Variants in ATP10B observed in about 807,000 individuals in gnomAD.
The protein encoded by ATP10B is phospholipid-transporting ATPase VB.
Under a neutral mutation model 141.2 loss-of-function variants are expected in ATP10B, and 122 were observed. That is an observed-to-expected ratio of 0.86 (90% CI 0.75 to 1.00). The LOEUF is 1.00. ATP10B is among the 50% of genes least tolerant of loss of function. ATP10B has a pLI of 0.00. For synonymous variants in ATP10B, 685 were observed against 692.0 expected, an observed-to-expected ratio of 0.99 and a Z score of 0.16; for missense variants, 1,876 against 1,825.3, an observed-to-expected ratio of 1.03 and a Z score of -0.51.
chr5:160,860,521 A>T, the ATP10B span, among the ~76,000 whole-genome samples: 1 of 151,942 alleles, frequency 6.6e-6, no homozygotes, highest in African/African-American at 2.4e-5. Flanking sequence ...ACACCAATTA[A>T]TTTGATTTCT....
chr5:160,840,050 T>C (rs1461505771), intron 1 of ATP10B, among the ~76,000 whole-genome samples: 2 of 152,012 alleles, frequency 1.3e-5, no homozygotes, highest in East Asian at 3.8e-4. Context: ...CAAATGTATA[T>C]GAAGAAACTA....
At chr5:160,823,780 G>C (rs764423582) in intron 1 of ATP10B, among the ~76,000 whole-genome samples, 16 of 152,060 alleles carry the variant, frequency 1.1e-4, no homozygotes, top group Non-Finnish European at 2.1e-4. Flanking sequence ...CTTGCAGTGA[G>C]CTGAGATCGC....
intron 2 of ATP10B, among the ~76,000 whole-genome samples, chr5:160,758,191 A>T (rs971500852): frequency 6.6e-6 from 1 of 152,164 alleles, no homozygotes; most frequent in African/African-American, 2.4e-5. Flanking sequence ...CAATGTGACT[A>T]TCCATCACAG....
the ATP10B span, among the ~76,000 whole-genome samples, chr5:160,921,825 A>C: frequency 3.9e-5 from 6 of 152,230 alleles, no homozygotes; most frequent in Non-Finnish European, 4.4e-5. Flanking sequence ...CTTCACTCGC[A>C]GGAGAGCAAA....
Position 160,606,871 on chromosome 5 carries a change from C to A in ATP10B, c.3054G>T (p.Leu1018Phe). The change falls in exon 19 of 26, where the codon TTG becomes TTT. Residue 1018 changes from leucine (L) to phenylalanine (F), a missense_variant. Coordinates refer to ENST00000327245, the MANE Select transcript of ATP10B (RefSeq NM_025153.3). ...QGKLEKKFLE[L>F]TQYCRSVLCC... ...ACAGGACGGACCGACAATACTGGGT[C>A]AATTCCAGAAACTTCTTCTCTAGCT... The A allele has an allele frequency of 6.2e-7, 1 of 1,614,122 alleles. No individual in the cohort carries two copies. The highest frequency in any genetic ancestry group is 8.5e-7 in the Non-Finnish European group (1 of 1,180,016).
chr5:160,654,220 C>T (rs1356700798), intron 7 of ATP10B, among the ~76,000 whole-genome samples: 1 of 151,804 alleles, frequency 6.6e-6, no homozygotes, highest in Non-Finnish European at 1.5e-5. Flanking sequence ...CTGCCTCAAC[C>T]TCCCACAGTG....
intron 7 of ATP10B, among the ~76,000 whole-genome samples, chr5:160,661,861 C>T (rs1340062565): frequency 2.0e-5 from 3 of 152,020 alleles, no homozygotes; most frequent in Non-Finnish European, 4.4e-5. Flanking sequence ...TCAAATTGTC[C>T]CTGTTTGCAG....
rs775928341 is a variant in ATP10B at position 160,834,757 on chromosome 5, C to T, written c.-576+17184G>A. 4.6e-5 allele frequency among the ~76,000 whole-genome samples: 7 copies of T among 152,090 alleles called. No individual in the cohort carries two copies. The East Asian group carries it at 5.8e-4, about 13-fold the overall frequency. Reference sequence around the variant, plus strand: ...TTTTGGTTACACTCCTTGTGGTATACGTTTCTTCCCCACAGATTTCTAGCC... The same window carrying T: ...TTTTGGTTACACTCCTTGTGGTATATGTTTCTTCCCCACAGATTTCTAGCC... On this transcript the variant is annotated intron_variant, in intron 1 of 25. Coordinates refer to ENST00000327245, the MANE Select transcript of ATP10B (RefSeq NM_025153.3).
chr5:160,798,744 A>ATTTTTTTTTTTTTTTTTTTTTTTTT (rs35866347), intron 1 of ATP10B, among the ~76,000 whole-genome samples: 1 of 102,502 alleles, frequency 9.8e-6, no homozygotes. Context: ...CTTTTTCTCT[A>ATTTTTTTTTTTTTTTTTTTTTTTTT]TTTTTTTTTT....
At chr5:160,809,323 T>A (rs1772987376) in intron 1 of ATP10B, among the ~76,000 whole-genome samples, 1 of 152,166 alleles carries the variant, frequency 6.6e-6, no homozygotes, top group Admixed American at 6.6e-5. Context: ...TCTAAACTGA[T>A]GGTTTTTGTT....
rs1183658675 is a variant in ATP10B at position 160,585,114 on chromosome 5, T to C, written c.3750+4478A>G. On this transcript the variant is annotated intron_variant, in intron 24 of 25. Coordinates refer to ENST00000327245, the MANE Select transcript of ATP10B (RefSeq NM_025153.3). ...CATCATTCTTTTTTCCTCCTGATAT[T>C]CCTATTTAGAGAGGCTGAAGCCATT... Among the ~76,000 whole-genome samples the C allele has an allele frequency of 5.3e-5, 8 of 152,348 alleles. No homozygotes were observed. In the East Asian group the frequency reaches 1.5e-3, roughly 29 times the overall value.
chr5:160,898,964 AGGGGAACATCACACACT>A, the ATP10B span, among the ~76,000 whole-genome samples: 2 of 94,750 alleles, frequency 2.1e-5, no homozygotes, highest in African/African-American at 8.3e-5. Flanking sequence ...GGACACAGGG[AGGGGAACATCACACACT>A]GGGGCCTGTC....
intron 2 of ATP10B, among the ~76,000 whole-genome samples, chr5:160,766,226 G>A (rs1769396684): frequency 6.6e-6 from 1 of 151,860 alleles, no homozygotes; most frequent in Non-Finnish European, 1.5e-5. Context: ...GAAAAGAAAA[G>A]TCATATTATG....
Position 160,812,574 on chromosome 5 carries a change from A to C in ATP10B, c.-575-26771T>G, listed in dbSNP as rs759514303. Among the ~76,000 whole-genome samples the C allele has an allele frequency of 3.5e-4, 54 of 152,318 alleles. 1 individual carries two copies. Among genetic ancestry groups the C allele is most frequent in the African/African-American group, 1.3e-3 (54 of 41,582 alleles). ...AGTTTGAAATAATTAAAAGGAATCA[A>C]GCAGAAATTCTGGAGTTGAAAAATG... On this transcript the variant is annotated intron_variant, in intron 1 of 25. Coordinates refer to ENST00000327245, the MANE Select transcript of ATP10B (RefSeq NM_025153.3).
chr5:160,890,631 C>T, the ATP10B span, among the ~76,000 whole-genome samples: 4 of 152,102 alleles, frequency 2.6e-5, no homozygotes, highest in Non-Finnish European at 5.9e-5. Flanking sequence ...TTTTTATGGC[C>T]GAGCAACATT....
intron 8 of ATP10B, among the ~76,000 whole-genome samples, chr5:160,645,367 A>G (rs531056744): frequency 2.6e-5 from 4 of 152,244 alleles, no homozygotes; most frequent in African/African-American, 9.6e-5. Flanking sequence ...CATACAGGGG[A>G]CAGGGGACAG....
At chr5:160,859,856 T>TG in the ATP10B span, among the ~76,000 whole-genome samples, 1 of 151,928 alleles carries the variant, frequency 6.6e-6, no homozygotes, top group Non-Finnish European at 1.5e-5. Flanking sequence ...TTATAAATAA[T>TG]GGCCTATATG....
intron 7 of ATP10B, among the ~76,000 whole-genome samples, chr5:160,655,610 T>C (rs1761438101): frequency 6.6e-6 from 1 of 152,172 alleles, no homozygotes; most frequent in Non-Finnish European, 1.5e-5. Context: ...AAAGGCTGAC[T>C]CATGCCGTAG....
At chr5:160,638,973 C>T (rs1759628628) in intron 10 of ATP10B, among the ~76,000 whole-genome samples, 1 of 152,200 alleles carries the variant, frequency 6.6e-6, no homozygotes. Flanking sequence ...GCTCCTCACT[C>T]AGCTCGGGCC....
Sources: allele counts gnomAD v4.1 joint callset (sites outside exome capture counted in the v4.1 genomes callset), GRCh38; gene constraint gnomAD v4.1.1; transcripts MANE v1.5; gene names NCBI Gene and HGNC (gene_info 2026-07-23, HGNC 2026-07-21).